SLC12A8: variants seen among roughly 807,000 people sequenced by gnomAD.
SLC12A8 encodes cation-chloride cotransporter 9.
In SLC12A8, 69 loss-of-function variants were observed where a neutral mutation model predicts 75.6. The ratio of observed to expected loss-of-function variants is 0.91; its 90% CI spans 0.75 to 1.11. The LOEUF is 1.11. Among genes scored for constraint, SLC12A8 ranks in the 50% most tolerant of loss-of-function variants. SLC12A8 has a pLI of 0.00. For missense variants in SLC12A8, 877 were observed against 896.7 expected (o/e 0.98, Z 0.28); for synonymous variants, 365 against 372.8 (o/e 0.98, Z 0.24).
chr3:125,129,819 T>C (rs536680304), intron 6 of SLC12A8, among the ~76,000 whole-genome samples: 1 of 152,300 alleles, frequency 6.6e-6, no homozygotes, highest in South Asian at 2.1e-4. Flanking sequence ...CAGCAAGTCA[T>C]ACAAACCATT....
rs1158719844 is a variant in SLC12A8 at position 125,187,250 on chromosome 3, T to C, written c.377A>G (p.Tyr126Cys). ...CGCAGGCCTCACCTGTCCAAACACATAGAGCAGCCCGATGGTGCCTCCCGT... is the reference window on the plus strand; with the variant it reads ...CGCAGGCCTCACCTGTCCAAACACACAGAGCAGCCCGATGGTGCCTCCCGT... The part of the protein sequence containing the change: ...GQTGGTIGLL[Y>C]VFGQCVAGAM... Residue 126 changes from tyrosine (Y) to cysteine (C), a missense_variant, in exon 4 of 14, where the codon TAT (tyrosine) becomes TGT (cysteine). Tyr to Cys is a radical substitution (Grantham distance 194). Transcript: ENST00000469902. The C allele has an allele frequency of 2.5e-6, 4 of 1,613,904 alleles. No homozygotes were observed. The highest frequency in any genetic ancestry group is 3.3e-5 in the Admixed American group (2 of 60,000).
At chr3:125,188,305 T>C (rs985110303) in intron 3 of SLC12A8, among the ~76,000 whole-genome samples, 2 of 152,236 alleles carry the variant, frequency 1.3e-5, no homozygotes, top group African/African-American at 2.4e-5. Flanking sequence ...GTGCAGATGC[T>C]GGTGCCATGC....
intron 8 of SLC12A8, among the ~76,000 whole-genome samples, chr3:125,117,432 GA>G (rs11298782): frequency 0.023 from 3,192 of 136,458 alleles, 46 homozygotes; most frequent in Non-Finnish European, 0.03. Context: ...ACAAAAAATT[GA>G]AAAAAAAAAA....
rs79076723 is a variant in SLC12A8 at position 125,139,533 on chromosome 3, C to T, written c.623-3751G>A. 3.1e-3 allele frequency among the ~76,000 whole-genome samples: 469 copies of T among 152,334 alleles called. 1 individual carries two copies. The highest frequency in any genetic ancestry group is 0.01 in the African/African-American group (435 of 41,566). ...CGGTCCCCTGTCCTGAGCCAGTCCC[C>T]AAAGAGTCTTGCTCACTGGTCCCCA... On this transcript the variant is annotated intron_variant, in intron 5 of 13. Transcript: ENST00000469902.
intron 5 of SLC12A8, among the ~76,000 whole-genome samples, chr3:125,158,080 C>T (rs1462694775): frequency 1.3e-5 from 2 of 152,146 alleles, no homozygotes; most frequent in Non-Finnish European, 2.9e-5. Context: ...GTTAGCAAGA[C>T]ACAACTTGAC....
At chr3:125,112,483 T>C (rs2993638) in intron 8 of SLC12A8, among the ~76,000 whole-genome samples, 59,975 of 151,944 alleles carry the variant, frequency 0.39, 12,009 homozygotes, top group Admixed American at 0.46. Flanking sequence ...ACAGGTAGAA[T>C]TGTATCATGC....
At chr3:125,189,411 C>T (rs1025294047) in intron 3 of SLC12A8, among the ~76,000 whole-genome samples, 1 of 152,210 alleles carries the variant, frequency 6.6e-6, no homozygotes, top group Non-Finnish European at 1.5e-5. Flanking sequence ...TAGTCCAGCT[C>T]ACCCTTCAAA....
intron 6 of SLC12A8, among the ~76,000 whole-genome samples, chr3:125,124,320 G>A (rs1462461743): frequency 6.6e-6 from 1 of 152,070 alleles, no homozygotes; most frequent in East Asian, 1.9e-4. Flanking sequence ...GTTTGTGTTT[G>A]TTTGTTTGTT....
At chr3:125,169,756 A>G (rs549647850) in intron 5 of SLC12A8, among the ~76,000 whole-genome samples, 43 of 152,302 alleles carry the variant, frequency 2.8e-4, no homozygotes, top group African/African-American at 1.0e-3. Flanking sequence ...CCAATGAAAC[A>G]ACGCAGTTTG....
intron 8 of SLC12A8, chr3:125,110,686 C>G (rs1329242777): frequency 5.6e-6 from 1 of 179,618 alleles, no homozygotes; most frequent in African/African-American, 2.3e-5. Context: ...TTCCCAGAGA[C>G]CACACTTTGA....
At chr3:125,197,205 A>G (rs1224063856) in intron 2 of SLC12A8, among the ~76,000 whole-genome samples, 1 of 152,262 alleles carries the variant, frequency 6.6e-6, no homozygotes, top group African/African-American at 2.4e-5. Flanking sequence ...AATCTGGCAC[A>G]ATTTGGCCCT....
chr3:125,149,576 A>T (rs1933868513), intron 5 of SLC12A8, among the ~76,000 whole-genome samples: 1 of 152,232 alleles, frequency 6.6e-6, no homozygotes, highest in Non-Finnish European at 1.5e-5. Flanking sequence ...TTAAATGTGC[A>T]ACTCACATAA....
intron 4 of SLC12A8, among the ~76,000 whole-genome samples, chr3:125,179,426 A>C (rs947811333): frequency 1.3e-5 from 2 of 152,180 alleles, no homozygotes; most frequent in Non-Finnish European, 2.9e-5. Flanking sequence ...TGATCATATA[A>C]AAGGTGCTCT....
chr3:125,146,184 C>T (rs1028557095), intron 5 of SLC12A8, among the ~76,000 whole-genome samples: 4 of 152,124 alleles, frequency 2.6e-5, no homozygotes, highest in Non-Finnish European at 5.9e-5. Context: ...CACTGTTGAC[C>T]GTGGATAGCT....
chr3:125,089,248 T>C (rs1016000643), intron 12 of SLC12A8, among the ~76,000 whole-genome samples: 1 of 152,202 alleles, frequency 6.6e-6, no homozygotes, highest in Non-Finnish European at 1.5e-5. Flanking sequence ...AAAGGGAAGA[T>C]AAATTTTAGA....
intron 5 of SLC12A8, among the ~76,000 whole-genome samples, chr3:125,176,406 T>C (rs114947599): frequency 0.021 from 3,127 of 152,152 alleles, 98 homozygotes; most frequent in African/African-American, 0.07. Flanking sequence ...AAAGGACACA[T>C]AGGCATGGGC....
At chr3:125,129,403 C>T (rs1477278324) in intron 6 of SLC12A8, among the ~76,000 whole-genome samples, 4 of 152,152 alleles carry the variant, frequency 2.6e-5, no homozygotes, top group African/African-American at 9.7e-5. Flanking sequence ...GCAAGTACAG[C>T]ATCCACTCCA....
At chr3:125,110,758 G>C (rs565214818) in intron 8 of SLC12A8, 2 of 156,054 alleles carry the variant, frequency 1.3e-5, no homozygotes, top group Admixed American at 6.3e-5. Flanking sequence ...CCTTAAAGAT[G>C]AGTTTAAATC....
At chr3:125,206,932 C>T (rs1005988664) in intron 2 of SLC12A8, 3 of 152,244 alleles carry the variant, frequency 2.0e-5, no homozygotes, top group African/African-American at 4.8e-5. Context: ...TGGTGAGAAA[C>T]CACCCCCAGG....
Sources: gnomAD v4.1 joint callset for allele counts (sites outside exome capture counted in the v4.1 genomes callset) on GRCh38, gnomAD v4.1.1 for gene constraint, MANE v1.5 for transcripts, NCBI Gene and HGNC (gene_info 2026-07-23, HGNC 2026-07-21) for gene names.